The following PHTF2 variants were observed in gnomAD, a reference collection of about 807,000 sequenced individuals.
PHTF2 encodes protein PHTF2.
PHTF2 carries 60 observed loss-of-function variants against 101.2 expected under a neutral mutation model. The ratio of observed to expected loss-of-function variants is 0.59; its 90% confidence interval spans 0.48 to 0.73. The LOEUF is 0.73. Ranked by LOEUF, PHTF2 falls within the 30% of genes least tolerant of loss-of-function variation. The pLI, the probability that PHTF2 is intolerant of heterozygous loss-of-function variation, is 0.00. For missense variants in PHTF2, 747 were observed against 908.7 expected (o/e 0.82, Z 2.29); for synonymous variants, 311 against 307.3 (o/e 1.01, Z -0.13).
exon 2 of PHTF2, chr7:77,840,274 G>A: frequency 6.2e-7 from 1 of 1,610,100 alleles, no homozygotes; most frequent in Non-Finnish European, 8.5e-7. Context: ...CAAAGTCACA[G>A]ATGCTATAGT....
At chr7:77,896,694 G>GT (rs1225091291) in intron 5 of PHTF2, among the ~76,000 whole-genome samples, 1 of 152,156 alleles carries the variant, frequency 6.6e-6, no homozygotes, top group African/African-American at 2.4e-5. Context: ...AAATTATGGT[G>GT]TAAAATAATT....
rs1803049547 is a variant in PHTF2 at position 77,917,563 on chromosome 7, A to C, written c.777-2716A>C. Among the ~76,000 whole-genome samples the C allele has an allele frequency of 2.0e-5, 3 of 152,124 alleles. No homozygotes were observed. In the South Asian group the frequency reaches 6.2e-4, roughly 32 times the overall value. On this transcript the variant is annotated intron_variant, in intron 9 of 19. Transcript: ENST00000416283. ...CATTCTATCTCTTCTTTTTATATTT[A>C]TATCTTCTTTCTGTGTCAGTGAGAA...
chr7:77,934,178 G>A (rs1281810659), intron 12 of PHTF2, among the ~76,000 whole-genome samples: 2 of 152,096 alleles, frequency 1.3e-5, no homozygotes, highest in African/African-American at 4.8e-5. Context: ...CTGCTATACA[G>A]ATGGAAAAAT....
intron 16 of PHTF2, among the ~76,000 whole-genome samples, chr7:77,945,160 TG>T (rs1562973650): frequency 1.3e-5 from 2 of 152,108 alleles, no homozygotes; most frequent in African/African-American, 4.8e-5. Context: ...GCCAATATGG[TG>T]AAACCTCTCT....
chr7:77,835,206 G>A (rs1424243506), intron 1 of PHTF2, among the ~76,000 whole-genome samples: 3 of 148,744 alleles, frequency 2.0e-5, no homozygotes, highest in South Asian at 2.1e-4. Flanking sequence ...CCTGGGAGGC[G>A]GAGGTTGCAG....
At chr7:77,818,080 A>G (rs1371013474) in intron 1 of PHTF2, among the ~76,000 whole-genome samples, 2 of 150,850 alleles carry the variant, frequency 1.3e-5, no homozygotes, top group Non-Finnish European at 3.0e-5. Context: ...ACTGTACTCT[A>G]GTCTGGGCAA....
Position 77,935,132 on chromosome 7 carries a change from C to A in PHTF2, c.1339-2578C>A, listed in dbSNP as rs866736405. ...TTTCAGTGTACATTCCCCCCCCCCACACACACACACAGAGGAATATAGCAG... is the reference window on the plus strand; with the variant it reads ...TTTCAGTGTACATTCCCCCCCCCCAAACACACACACAGAGGAATATAGCAG... On this transcript the variant is annotated intron_variant, in intron 12 of 19. Transcript: ENST00000416283. 6.5e-3 allele frequency among the ~76,000 whole-genome samples: 121 copies of A among 18,672 alleles called. 5 individuals carry two copies. Among genetic ancestry groups the A allele is most frequent in the South Asian group, 2.2e-3 (1 of 456 alleles). The allele number at this position is 18,672 out of a possible 152,430, so 12.2% of individuals were successfully genotyped here.
intron 15 of PHTF2, among the ~76,000 whole-genome samples, chr7:77,941,086 G>C (rs1805603446): frequency 1.3e-5 from 2 of 152,098 alleles, no homozygotes; most frequent in Admixed American, 1.3e-4. Context: ...ATTGCATTAA[G>C]TAGCAGTAGA....
chr7:77,814,494 A>C (rs1415212653), intron 1 of PHTF2, among the ~76,000 whole-genome samples: 1 of 151,492 alleles, frequency 6.6e-6, no homozygotes. Context: ...GCCGCACTTC[A>C]GCACTACACT....
intron 12 of PHTF2, among the ~76,000 whole-genome samples, chr7:77,935,450 C>T (rs1178495735): frequency 6.6e-6 from 1 of 152,138 alleles, no homozygotes; most frequent in Non-Finnish European, 1.5e-5. Context: ...TGGCTACTAT[C>T]TCCTGACCTC....
rs763773433 is a variant in PHTF2, at chr7:77,854,739, C to G, written c.52C>G (p.Leu18Val). ...TTCTCCTTTGCTCATGTAGGAGTTTCTCTCTGTGGCCACCACCGCCCCAGG... is the reference window on the plus strand; with the variant it reads ...TTCTCCTTTGCTCATGTAGGAGTTTGTCTCTGTGGCCACCACCGCCCCAGG... Residue 18 changes from leucine (L) to valine (V), a missense_variant, in exon 3 of 20, where the codon CTC becomes GTC. Leu to Val is a conservative substitution (Grantham distance 32). Transcript: ENST00000416283. 9.8e-6 allele frequency: 7 copies of G among 714,782 alleles called. No individual in the cohort carries two copies. The South Asian group carries it at 1.0e-4, about 10-fold the overall frequency. The allele number at this position is 714,782 out of a possible 1,614,324, so 44.3% of individuals were successfully genotyped here. A position where few individuals can be genotyped will look rare whatever the true frequency, so the allele number is the denominator to read the frequency against.
At chr7:77,905,288 C>T (rs929015120) in intron 7 of PHTF2, among the ~76,000 whole-genome samples, 3 of 151,992 alleles carry the variant, frequency 2.0e-5, no homozygotes, top group Non-Finnish European at 4.4e-5. Flanking sequence ...TGCAGTGGTG[C>T]GATCATAGTT....
At chr7:77,927,804 G>A (rs113688106) in intron 11 of PHTF2, among the ~76,000 whole-genome samples, 207 of 152,330 alleles carry the variant, frequency 1.4e-3, no homozygotes, top group African/African-American at 4.3e-3. Context: ...CATAATCAAA[G>A]CAAAGAACAA....
intron 1 of PHTF2, among the ~76,000 whole-genome samples, chr7:77,826,511 A>G (rs878917627): frequency 2.0e-5 from 3 of 152,152 alleles, no homozygotes; most frequent in South Asian, 4.1e-4. Context: ...TCTAGTCTCA[A>G]TGTCACTGTC....
At chr7:77,826,236 C>T (rs1794689032) in intron 1 of PHTF2, among the ~76,000 whole-genome samples, 1 of 152,038 alleles carries the variant, frequency 6.6e-6, no homozygotes, top group South Asian at 2.1e-4. Flanking sequence ...TTCAAGATGG[C>T]TGAATTTTAA....
chr7:77,928,369 A>G (rs1562958513), intron 11 of PHTF2, among the ~76,000 whole-genome samples: 1 of 152,210 alleles, frequency 6.6e-6, no homozygotes, highest in Non-Finnish European at 1.5e-5. Context: ...TTACTTTTAT[A>G]CCACAGATTA....
intron 5 of PHTF2, among the ~76,000 whole-genome samples, chr7:77,897,553 T>G (rs1042901255): frequency 1.3e-5 from 2 of 152,112 alleles, no homozygotes; most frequent in South Asian, 4.1e-4. Flanking sequence ...TTTCATTTTT[T>G]ATTTGTTCAT....
chr7:77,808,861 C>G (rs981349327), intron 1 of PHTF2, among the ~76,000 whole-genome samples: 1 of 152,120 alleles, frequency 6.6e-6, no homozygotes, highest in African/African-American at 2.4e-5. Context: ...GATGTGCTAT[C>G]AGTTACCCAA....
At chr7:77,857,701 G>A (rs1288053914) in intron 3 of PHTF2, among the ~76,000 whole-genome samples, 1 of 152,168 alleles carries the variant, frequency 6.6e-6, no homozygotes, top group Admixed American at 6.5e-5. Context: ...AAGAACACAG[G>A]TTTTGGGTTT....
Sources: allele counts gnomAD v4.1 joint callset (sites outside exome capture counted in the v4.1 genomes callset), GRCh38; gene constraint gnomAD v4.1.1; transcripts MANE v1.5; gene names NCBI Gene and HGNC (gene_info 2026-07-23, HGNC 2026-07-21).